The following KIF3A variants were observed in gnomAD, a reference collection of about 807,000 sequenced individuals.
The protein encoded by KIF3A is kinesin-like protein KIF3A.
A neutral mutation model predicts 92.6 loss-of-function variants in KIF3A; 27 were observed. That is an observed-to-expected ratio of 0.29 (90% CI 0.21 to 0.40). The LOEUF is 0.40. KIF3A is among the 10% of genes least tolerant of loss of function. KIF3A has a pLI of 1.00. For missense variants in KIF3A, 581 were observed against 872.6 expected (o/e 0.67, Z 4.21); for synonymous variants, 250 against 275.4 (o/e 0.91, Z 0.92).
At chr5:132,724,806 AATATATATAT>A (rs1167332306) in intron 4 of KIF3A, among the ~76,000 whole-genome samples, 31 of 22,688 alleles carry the variant, frequency 1.4e-3, no homozygotes, top group African/African-American at 4.5e-3. Context: ...AAAAAAAAAA[AATATATATAT>A]ATATATATAT....
chr5:132,730,466 CAAAAAAAGAAAAAA>C (rs765732502), intron 2 of KIF3A, among the ~76,000 whole-genome samples: 9 of 118,040 alleles, frequency 7.6e-5, no homozygotes, highest in South Asian at 5.1e-4. Context: ...GACTCTGTCT[CAAAAAAAGAAAAAA>C]AAAAAAAGAA....
At chr5:132,718,614 G>T (rs983483146) in intron 5 of KIF3A, among the ~76,000 whole-genome samples, 1 of 149,548 alleles carries the variant, frequency 6.7e-6, no homozygotes, top group Non-Finnish European at 1.5e-5. Context: ...TCAGCTTGTT[G>T]TTTTTTTTGT....
chr5:132,692,036 A>C (rs1238836090), downstream of KIF3A, among the ~76,000 whole-genome samples: 1 of 152,128 alleles, frequency 6.6e-6, no homozygotes, highest in Non-Finnish European at 1.5e-5. Flanking sequence ...CATCAATGAC[A>C]GATTGGATGA....
rs1752703795 is a variant in KIF3A at position 132,692,886 on chromosome 5, A to G, written c.*3748T>C. 1.3e-5 allele frequency: 2 copies of G among 152,840 alleles called. No individual in the cohort carries two copies. The allele number at this position is 152,840 out of a possible 1,614,324, so 9.5% of individuals were successfully genotyped here. On this transcript the variant is annotated 3_prime_UTR_variant, in exon 19 of 19. Transcript: ENST00000403231. ...AGAAACATCTATGTTTTCTTCTAGT[A>G]TTTTTAAGAACAAAAAATAATTTAA...
intron 1 of KIF3A, 120 bp downstream of exon 1, chr5:132,737,294 G>T (rs1315793789): frequency 8.6e-7 from 1 of 1,162,760 alleles, no homozygotes; most frequent in East Asian, 3.1e-5. Context: ...CCGCACGACC[G>T]AGCCTGCCCC....
Position 132,696,586 on chromosome 5 carries a change from G to C in KIF3A, c.*48C>G. The C allele has an allele frequency of 8.7e-7, 1 of 1,154,338 alleles. No homozygotes were observed. The allele number at this position is 1,154,338 out of a possible 1,614,324, so 71.5% of individuals were successfully genotyped here. ...CTGTTTTAATTAAAGATTTTGTCCA[G>C]GCATGAGAATATCACTAATTTTTAT... On this transcript the variant is annotated 3_prime_UTR_variant, in exon 19 of 19. Coordinates refer to ENST00000403231, the MANE Select transcript of KIF3A (RefSeq NM_001300791.2).
At chr5:132,696,704 C>G (rs1176568097) in intron 18 of KIF3A, 22 bp from the exon 19 acceptor site, 4 of 1,588,164 alleles carry the variant, frequency 2.5e-6, no homozygotes, top group Non-Finnish European at 2.6e-6. Context: ...AGAAAAAAAG[C>G]AATCATGAAT....
In KIF3A at chr5:132,702,868, A is replaced by C. The variant is rs749997005; in HGVS notation, c.1647+17T>G. The C allele has an allele frequency of 3.1e-6, 5 of 1,607,620 alleles. No homozygotes were observed. In the South Asian group the frequency reaches 4.5e-5, roughly 14 times the overall value. On this transcript the variant is annotated intron_variant, in intron 13 of 18. Coordinates refer to ENST00000403231, the MANE Select transcript of KIF3A (RefSeq NM_001300791.2). Reference sequence around the variant, plus strand: ...TCTCTGGCAAAATACCAAACTAAAAACAGAAAGTCACATTACCTCTTTTTC... The same window carrying C: ...TCTCTGGCAAAATACCAAACTAAAACCAGAAAGTCACATTACCTCTTTTTC...
chr5:132,703,432 C>A, intron 12 of KIF3A, 31 bp downstream of exon 12: 1 of 1,526,408 alleles, frequency 6.6e-7, no homozygotes, highest in South Asian at 1.2e-5. Flanking sequence ...AAATTTAAAT[C>A]ATGAATTCAT....
chr5:132,722,138 T>C (rs1023786636), intron 4 of KIF3A, among the ~76,000 whole-genome samples: 2 of 152,214 alleles, frequency 1.3e-5, no homozygotes, highest in Non-Finnish European at 2.9e-5. Context: ...AGACTGAAAA[T>C]GGACATTCTT....
At position 132,715,302 on chromosome 5, in the gene KIF3A, A is replaced by G. The variant is rs552188702; in HGVS notation, c.1129+455T>C. 2.0e-5 allele frequency among the ~76,000 whole-genome samples: 3 copies of G among 152,326 alleles called. No individual in the cohort carries two copies. In the East Asian group the frequency reaches 5.8e-4, roughly 29 times the overall value. On this transcript the variant is annotated intron_variant, in intron 8 of 18. Coordinates refer to ENST00000403231, the MANE Select transcript of KIF3A (RefSeq NM_001300791.2). ...CATGTTCAAATTTAGGTATGAAAGGATATTTTAAAGGTCATGCAATGCATT... is the reference window on the plus strand; with the variant it reads ...CATGTTCAAATTTAGGTATGAAAGGGTATTTTAAAGGTCATGCAATGCATT...
intron 10 of KIF3A, among the ~76,000 whole-genome samples, chr5:132,707,568 C>G (rs945372742): frequency 1.3e-5 from 2 of 152,188 alleles, no homozygotes; most frequent in Non-Finnish European, 1.5e-5. Context: ...GTTTATTATA[C>G]AAAGTAATAC....
intron 1 of KIF3A, among the ~76,000 whole-genome samples, chr5:132,735,106 A>G (rs1754347621): frequency 6.6e-6 from 1 of 151,946 alleles, no homozygotes. Context: ...GCACAGTCTC[A>G]CCCTGTCACC....
intron 5 of KIF3A, 90 bp from the exon 6 acceptor site, chr5:132,717,074 T>C: frequency 4.7e-6 from 6 of 1,267,694 alleles, no homozygotes; most frequent in Non-Finnish European, 6.6e-6. Flanking sequence ...AACACTTAAT[T>C]TTATCACAAT....
chr5:132,735,417 T>C (rs909189510), intron 1 of KIF3A, among the ~76,000 whole-genome samples: 3 of 152,174 alleles, frequency 2.0e-5, no homozygotes, highest in Non-Finnish European at 4.4e-5. Flanking sequence ...TGAAACACAA[T>C]CCTATTATTG....
chr5:132,707,955 C>T (rs941533998), intron 10 of KIF3A, among the ~76,000 whole-genome samples: 1 of 152,194 alleles, frequency 6.6e-6, no homozygotes, highest in Non-Finnish European at 1.5e-5. Flanking sequence ...ATAAAATCCA[C>T]GTGATTCTGC....
chr5:132,735,325 T>C (rs745533636), intron 1 of KIF3A, among the ~76,000 whole-genome samples: 14 of 152,146 alleles, frequency 9.2e-5, no homozygotes, highest in Non-Finnish European at 2.1e-4. Flanking sequence ...TCCACCCACC[T>C]CGGCCTCCCA....
At chr5:132,705,558 T>G (rs560040611) in intron 11 of KIF3A, among the ~76,000 whole-genome samples, 1 of 152,188 alleles carries the variant, frequency 6.6e-6, no homozygotes, top group South Asian at 2.1e-4. Flanking sequence ...TAACTGTTCA[T>G]GCATTAATGC....
At chr5:132,709,044 C>T (rs2149900034) in intron 9 of KIF3A, 66 bp from the exon 10 acceptor site, 1 of 1,234,746 alleles carries the variant, frequency 8.1e-7, no homozygotes, top group Non-Finnish European at 1.2e-6. Flanking sequence ...TGAACACACA[C>T]ACAGAGAAAA....
Sources: allele counts gnomAD v4.1 joint callset (sites outside exome capture counted in the v4.1 genomes callset), GRCh38; gene constraint gnomAD v4.1.1; transcripts MANE v1.5; gene names NCBI Gene and HGNC (gene_info 2026-07-23, HGNC 2026-07-21).